The following SMAD3 variants were observed in gnomAD, a reference collection of about 807,000 sequenced individuals.
The protein encoded by SMAD3 is SMAD family member 3, also known as MAD homolog 3.
SMAD3 carries 12 observed loss-of-function variants against 51.8 expected under a neutral mutation model. That is an observed-to-expected ratio of 0.23 (90% CI 0.15 to 0.38). The LOEUF (loss-of-function observed/expected upper bound fraction) is 0.38, where lower values mean the gene tolerates loss of function less well. SMAD3 is among the 10% of genes least tolerant of loss of function. SMAD3 has a pLI of 1.00. For synonymous variants in SMAD3, 238 were observed against 227.7 expected, an observed-to-expected ratio of 1.05 and a Z score of -0.41; for missense variants, 294 against 565.6, an observed-to-expected ratio of 0.52 and a Z score of 4.87.
At chr15:67,182,994 A>AT (rs1430882894) in intron 6 of SMAD3, among the ~76,000 whole-genome samples, 7 of 55,422 alleles carry the variant, frequency 1.3e-4, no homozygotes, top group South Asian at 7.2e-4. Flanking sequence ...ATTAAAAAAA[A>AT]AAAAAAATAT....
intron 4 of SMAD3, among the ~76,000 whole-genome samples, chr15:67,169,404 G>T (rs1167960730): frequency 6.6e-6 from 1 of 152,122 alleles, no homozygotes; most frequent in African/African-American, 2.4e-5. Flanking sequence ...TTCACTTGAG[G>T]CCAGATGCTG....
At chr15:67,164,298 G>C (rs1309680093) in intron 1 of SMAD3, among the ~76,000 whole-genome samples, 1 of 122,702 alleles carries the variant, frequency 8.1e-6, no homozygotes, top group East Asian at 2.8e-4. Flanking sequence ...CTGGGCAACA[G>C]AGCGAGACTC....
At chr15:67,182,996 A>ATATATATAT (rs1429510155) in intron 6 of SMAD3, among the ~76,000 whole-genome samples, 6 of 55,364 alleles carry the variant, frequency 1.1e-4, no homozygotes, top group African/African-American at 2.5e-4. Context: ...TAAAAAAAAA[A>ATATATATAT]AAAAATATAT....
intron 1 of SMAD3, among the ~76,000 whole-genome samples, chr15:67,132,471 G>C (rs573959560): frequency 6.6e-6 from 1 of 152,330 alleles, no homozygotes; most frequent in Admixed American, 6.5e-5. Context: ...GGTGAGGACA[G>C]ATGAGGGCAG....
intron 8 of SMAD3, among the ~76,000 whole-genome samples, 162 bp from the exon 9 acceptor site, chr15:67,190,251 G>A (rs1963325284): frequency 6.6e-6 from 1 of 152,142 alleles, no homozygotes; most frequent in African/African-American, 2.4e-5. Context: ...GAGGAGTTTG[G>A]CCGGGTAGTT....
rs1963433245 is a variant in SMAD3 at position 67,193,908 on chromosome 15, A to G, written c.*3372A>G. 1 of 233,140 alleles carries G rather than the reference A, an allele frequency of 4.3e-6. No homozygotes were observed. Among genetic ancestry groups the G allele is most frequent in the Non-Finnish European group, 8.5e-6 (1 of 117,922 alleles). The allele number at this position is 233,140 out of a possible 1,614,324, so 14.4% of individuals were successfully genotyped here. A position where few individuals can be genotyped will look rare whatever the true frequency, so the allele number is the denominator to read the frequency against. On this transcript the variant is annotated 3_prime_UTR_variant, in exon 9 of 9. Transcript: ENST00000327367. ...GTGCATGGCATGCACGTATGTAAGT[A>G]ATCTGGGGAAGAAGCAAAGATCTGT...
In SMAD3 at chr15:67,181,269, G is replaced by A. The variant is rs138940179; in HGVS notation, c.687G>A (p.Pro229=). The part of the protein sequence containing the change: ...LDLQPVTYCE[P]AFWCSISYYE... Reference sequence around the variant, plus strand: ...TGCAGCCAGTTACCTACTGCGAGCCGGCCTTCTGGTGCTCCATCTCCTACT... The same window carrying A: ...TGCAGCCAGTTACCTACTGCGAGCCAGCCTTCTGGTGCTCCATCTCCTACT... Residue 229 remains proline (P), a synonymous_variant, in exon 6 of 9, where the codon CCG becomes CCA. Coordinates refer to ENST00000327367, the MANE Select transcript of SMAD3 (RefSeq NM_005902.4). 247 of 1,613,306 alleles carry A rather than the reference G, an allele frequency of 1.5e-4. 1 individual carries two copies. Among genetic ancestry groups the A allele is most frequent in the Admixed American group, 1.8e-4 (11 of 60,024 alleles).
At chr15:67,149,884 A>G (rs1406539061) in intron 1 of SMAD3, among the ~76,000 whole-genome samples, 1 of 152,230 alleles carries the variant, frequency 6.6e-6, no homozygotes, top group Non-Finnish European at 1.5e-5. Context: ...CATTTTTTGC[A>G]TGTAAAGGTA....
chr15:67,186,448 A>T (rs1043961772), intron 7 of SMAD3, among the ~76,000 whole-genome samples: 1 of 152,194 alleles, frequency 6.6e-6, no homozygotes, highest in Non-Finnish European at 1.5e-5. Context: ...GCCCTTCATT[A>T]TACAGAGACA....
At chr15:67,092,336 A>C (rs917997779) in intron 1 of SMAD3, among the ~76,000 whole-genome samples, 3 of 152,226 alleles carry the variant, frequency 2.0e-5, no homozygotes, top group African/African-American at 7.2e-5. Context: ...AATTACACAT[A>C]TTTTATCAAG....
intron 1 of SMAD3, among the ~76,000 whole-genome samples, chr15:67,108,276 T>A (rs1389020322): frequency 1.3e-5 from 2 of 152,118 alleles, no homozygotes; most frequent in Non-Finnish European, 2.9e-5. Context: ...ACTGCCACCA[T>A]GGGAGAGGTC....
intron 1 of SMAD3, among the ~76,000 whole-genome samples, chr15:67,089,825 G>A (rs1158375659): frequency 2.0e-5 from 3 of 152,256 alleles, no homozygotes; most frequent in Non-Finnish European, 4.4e-5. Context: ...GACTTGGAGA[G>A]GCTGAGGGAC....
intron 1 of SMAD3, among the ~76,000 whole-genome samples, chr15:67,107,519 A>G (rs1223776430): frequency 6.6e-6 from 1 of 152,228 alleles, no homozygotes; most frequent in Non-Finnish European, 1.5e-5. Context: ...AGGCAGAGAC[A>G]GATGAAGTCC....
At chr15:67,176,512 G>C (rs2140308155) in intron 5 of SMAD3, among the ~76,000 whole-genome samples, 1 of 152,344 alleles carries the variant, frequency 6.6e-6, no homozygotes, top group East Asian at 1.9e-4. Context: ...TCGATTTATA[G>C]GAGAAAGTTA....
chr15:67,124,572 G>A (rs1201509828), intron 1 of SMAD3, among the ~76,000 whole-genome samples: 1 of 152,224 alleles, frequency 6.6e-6, no homozygotes, highest in Non-Finnish European at 1.5e-5. Context: ...GTTGTCCTTT[G>A]GTGAATGAGA....
At chr15:67,122,044 A>G (rs1005841062) in intron 1 of SMAD3, among the ~76,000 whole-genome samples, 13 of 152,252 alleles carry the variant, frequency 8.5e-5, no homozygotes, top group African/African-American at 3.1e-4. Context: ...GCTAGTGGCC[A>G]TCAGATCAGC....
At chr15:67,117,654 A>G (rs28572121) in intron 1 of SMAD3, among the ~76,000 whole-genome samples, 5,466 of 152,292 alleles carry the variant, frequency 0.036, 332 homozygotes, top group African/African-American at 0.13. Context: ...TTTGTCGAGC[A>G]TGGATTTTCA....
intron 1 of SMAD3, among the ~76,000 whole-genome samples, chr15:67,137,209 T>C (rs2140259808): frequency 6.6e-6 from 1 of 152,340 alleles, no homozygotes; most frequent in East Asian, 1.9e-4. Context: ...TTTTGTTTTG[T>C]CATTTTTTTT....
At chr15:67,161,346 A>G (rs955079332) in intron 1 of SMAD3, among the ~76,000 whole-genome samples, 9 of 152,208 alleles carry the variant, frequency 5.9e-5, no homozygotes, top group Non-Finnish European at 1.0e-4. Flanking sequence ...TAAAAGTTTA[A>G]TTAATATCCA....
Sources: gnomAD v4.1 joint callset for allele counts (sites outside exome capture counted in the v4.1 genomes callset) on GRCh38, gnomAD v4.1.1 for gene constraint, MANE v1.5 for transcripts, NCBI Gene and HGNC (gene_info 2026-07-23, HGNC 2026-07-21) for gene names.